The following B3GALNT2 variants were observed in gnomAD, a reference collection of about 807,000 sequenced individuals.
The protein encoded by B3GALNT2 is UDP-GalNAc:beta-1,3-N-acetylgalactosaminyltransferase 2.
B3GALNT2 carries 53 observed loss-of-function variants against 61.1 expected under a neutral mutation model. The observed-to-expected ratio is 0.87, with a 90% CI of 0.70 to 1.09. The LOEUF is 1.09. Ranked by LOEUF, B3GALNT2 falls within the 50% of genes least tolerant of loss-of-function variation. The probability of loss-of-function intolerance (pLI) is 0.00; values close to 1 mark genes in which losing one functional copy is unlikely to be tolerated. For missense variants in B3GALNT2, 544 were observed against 623.0 expected (o/e 0.87, Z 1.35); for synonymous variants, 223 against 237.4 (o/e 0.94, Z 0.56).
chr1:235,459,599 C>A (rs1459845031), intron 7 of B3GALNT2, among the ~76,000 whole-genome samples: 1 of 152,008 alleles, frequency 6.6e-6, no homozygotes, highest in Non-Finnish European at 1.5e-5. Flanking sequence ...CTCCATCCAG[C>A]CTAGGCAACA....
intron 4 of B3GALNT2, among the ~76,000 whole-genome samples, chr1:235,483,133 T>A (rs555502409): frequency 6.6e-6 from 1 of 152,090 alleles, no homozygotes; most frequent in South Asian, 2.1e-4. Flanking sequence ...AAATAAAAAA[T>A]TCATTGGATA....
intron 1 of B3GALNT2, among the ~76,000 whole-genome samples, chr1:235,502,453 T>C (rs117235207): frequency 1.3e-5 from 2 of 152,374 alleles, no homozygotes; most frequent in East Asian, 3.9e-4. Context: ...ATTTATTATC[T>C]GACCAGATAC....
intron 1 of B3GALNT2, 106 bp downstream of exon 1, chr1:235,504,035 T>C (rs1288790221): frequency 1.8e-6 from 2 of 1,137,404 alleles, no homozygotes; most frequent in Admixed American, 4.5e-5. Context: ...ACCGTCGCGT[T>C]TGGCCCTTCC....
At chr1:235,481,648 GT>G (rs533262542) in intron 4 of B3GALNT2, among the ~76,000 whole-genome samples, 93 of 149,624 alleles carry the variant, frequency 6.2e-4, no homozygotes, top group African/African-American at 2.2e-3. Context: ...CTGGCTGATA[GT>G]TTTTTTTTTA....
chr1:235,481,007 T>C (rs1444518255), intron 4 of B3GALNT2, among the ~76,000 whole-genome samples: 1 of 150,244 alleles, frequency 6.7e-6, no homozygotes, highest in African/African-American at 2.4e-5. Context: ...CCAGGCAACA[T>C]TTCCTCATTC....
At chr1:235,460,553 T>C (rs1306392596) in intron 7 of B3GALNT2, among the ~76,000 whole-genome samples, 1 of 151,584 alleles carries the variant, frequency 6.6e-6, no homozygotes, top group East Asian at 1.9e-4. Context: ...GTACTATTTC[T>C]GGTGTATTTA....
intron 5 of B3GALNT2, among the ~76,000 whole-genome samples, chr1:235,474,958 TA>T: frequency 4.8e-5 from 1 of 20,996 alleles, no homozygotes; most frequent in African/African-American, 2.3e-4. Flanking sequence ...GACATATATA[TA>T]TATATATATA....
chr1:235,452,666 T>C (rs557741960), intron 11 of B3GALNT2, among the ~76,000 whole-genome samples: 2 of 151,656 alleles, frequency 1.3e-5, no homozygotes, highest in African/African-American at 4.8e-5. Flanking sequence ...CCTCCTACCT[T>C]AGCCTCCTGA....
chr1:235,453,026 A>G, intron 11 of B3GALNT2, 64 bp downstream of exon 11: 1 of 1,400,694 alleles, frequency 7.1e-7, no homozygotes, highest in South Asian at 1.2e-5. Context: ...AGAACACTCA[A>G]CCTGTATATA....
intron 9 of B3GALNT2, 88 bp downstream of exon 9, chr1:235,455,471 A>G: frequency 7.0e-7 from 1 of 1,425,268 alleles, no homozygotes; most frequent in Non-Finnish European, 9.6e-7. Context: ...TCTCAACCAC[A>G]TTTTCAAAAA....
At chr1:235,494,928 G>A in intron 1 of B3GALNT2, 100 bp from the exon 2 acceptor site, 10 of 1,168,796 alleles carry the variant, frequency 8.6e-6, no homozygotes, top group South Asian at 3.5e-5. Flanking sequence ...TATGTTTGTA[G>A]GAAATTCAGA....
chr1:235,444,578 G>T (rs558396641), downstream of B3GALNT2, among the ~76,000 whole-genome samples: 9 of 151,984 alleles, frequency 5.9e-5, no homozygotes, highest in African/African-American at 1.2e-4. Context: ...TAATTTTTTT[G>T]ATTTTTAGTA....
Position 235,454,332 on chromosome 1 carries a change from T to C in B3GALNT2, c.1152-17A>G, listed in dbSNP as rs376365276. On this transcript the variant is annotated splice_polypyrimidine_tract_variant and intron_variant, in intron 9 of 11. Transcript: ENST00000366600. ...AGTCTGAAACTGAGATGAAAAATAATGTGGCCTCTTGTGTTAGTCTGACAC... is the reference window on the plus strand; with the variant it reads ...AGTCTGAAACTGAGATGAAAAATAACGTGGCCTCTTGTGTTAGTCTGACAC... The C allele has an allele frequency of 1.5e-5, 24 of 1,596,976 alleles. No individual in the cohort carries two copies. Among genetic ancestry groups the C allele is most frequent in the African/African-American group, 2.7e-5 (2 of 74,442 alleles).
chr1:235,440,917 T>C, the B3GALNT2 span: 3 of 152,240 alleles, frequency 2.0e-5, no homozygotes, highest in East Asian at 5.8e-4. Flanking sequence ...TTTGATGACA[T>C]TATTACTCCA....
intron 5 of B3GALNT2, among the ~76,000 whole-genome samples, chr1:235,474,992 T>TG: frequency 1.3e-5 from 1 of 74,532 alleles, no homozygotes; most frequent in African/African-American, 6.6e-5. Context: ...TATATATTTT[T>TG]TTTTTTTTTT....
At position 235,449,209 on chromosome 1, in the gene B3GALNT2, C is replaced by G. The variant is rs1161367232; in HGVS notation, c.*997G>C. 7 of 224,000 alleles carry G rather than the reference C, an allele frequency of 3.1e-5. No homozygotes were observed. Among genetic ancestry groups the G allele is most frequent in the Non-Finnish European group, 6.3e-5 (7 of 111,780 alleles). The allele number at this position is 224,000 out of a possible 1,614,324, so 13.9% of individuals were successfully genotyped here. On this transcript the variant is annotated 3_prime_UTR_variant, in exon 12 of 12. Transcript: ENST00000366600. ...CTTAAACTTGGGGAGACATCCTCTA[C>G]TATGTATAACAATATGCTATTATCT... is the stretch of plus-strand genomic sequence containing the variant.
chr1:235,476,359 G>A (rs1011830897), intron 5 of B3GALNT2, among the ~76,000 whole-genome samples: 5 of 151,414 alleles, frequency 3.3e-5, no homozygotes, highest in Admixed American at 2.0e-4. Flanking sequence ...TGCAGTGAGC[G>A]GAGATCATGC....
intron 11 of B3GALNT2, among the ~76,000 whole-genome samples, chr1:235,452,802 C>A (rs1162775262): frequency 6.6e-6 from 1 of 152,150 alleles, no homozygotes; most frequent in African/African-American, 2.4e-5. Context: ...GATACACCCA[C>A]CTTGGCCTCC....
intron 4 of B3GALNT2, 93 bp downstream of exon 4, chr1:235,484,229 T>C (rs1442777020): frequency 5.5e-6 from 8 of 1,467,478 alleles, no homozygotes; most frequent in East Asian, 4.7e-5. Context: ...GAGAATTATA[T>C]AGTCTTCCAA....
Sources: allele counts gnomAD v4.1 joint callset (sites outside exome capture counted in the v4.1 genomes callset), GRCh38; gene constraint gnomAD v4.1.1; transcripts MANE v1.5; gene names NCBI Gene and HGNC (gene_info 2026-07-23, HGNC 2026-07-21).